DOCK5: variants seen among roughly 807,000 people sequenced by gnomAD.
DOCK5 encodes the protein dedicator of cytokinesis protein 5.
Under a neutral mutation model 251.8 loss-of-function variants are expected in DOCK5, and 142 were observed. That is an observed-to-expected ratio of 0.56 (90% CI 0.49 to 0.65). The LOEUF is 0.65. Ranked by LOEUF, DOCK5 falls within the 30% of genes least tolerant of loss-of-function variation. DOCK5 has a pLI of 0.00. For synonymous variants in DOCK5, 842 were observed against 835.5 expected (o/e 1.01, Z -0.13); for missense variants, 2,111 against 2,312.3 (o/e 0.91, Z 1.79).
chr8:25,291,873 A>AG, intron 5 of DOCK5, 151 bp from the exon 6 acceptor site: 1 of 168,694 alleles, frequency 5.9e-6, no homozygotes, highest in Non-Finnish European at 7.3e-6. Flanking sequence ...ACTCCATCAC[A>AG]AAAAAAAAAA....
chr8:25,403,513 G>A, intron 47 of DOCK5, 45 bp from the exon 48 acceptor site: 1 of 1,601,734 alleles, frequency 6.2e-7, no homozygotes, highest in Non-Finnish European at 8.5e-7. Context: ...GTTCATAGGG[G>A]CTGGATTCCA....
chr8:25,261,627 A>G (rs933762038), intron 2 of DOCK5, among the ~76,000 whole-genome samples: 5 of 152,244 alleles, frequency 3.3e-5, no homozygotes, highest in Non-Finnish European at 5.9e-5. Flanking sequence ...AAAATTTACA[A>G]GCAACAAAAG....
rs374980651 is a variant in DOCK5, at chr8:25,392,789, C to T, written c.4441-7C>T. On this transcript the variant is annotated splice_region_variant and splice_polypyrimidine_tract_variant and intron_variant, in intron 43 of 51. Coordinates refer to ENST00000276440, the MANE Select transcript of DOCK5 (RefSeq NM_024940.8). ...CCAACATTTCATGTTTTCCTTCTTGCCACCAGACGATGTGGATTGAACGGA... is the reference window on the plus strand; with the variant it reads ...CCAACATTTCATGTTTTCCTTCTTGTCACCAGACGATGTGGATTGAACGGA... 20 of 1,610,502 alleles carry T rather than the reference C, an allele frequency of 1.2e-5. No individual in the cohort carries two copies. The African/African-American group carries it at 2.1e-4, about 17-fold the overall frequency.
intron 7 of DOCK5, among the ~76,000 whole-genome samples, chr8:25,297,980 C>G (rs1453206530): frequency 2.7e-5 from 4 of 150,346 alleles, no homozygotes; most frequent in African/African-American, 9.8e-5. Context: ...TCACTTGAGA[C>G]TGGGAATTTA....
At chr8:25,317,543 T>C (rs1312806709) in intron 14 of DOCK5, among the ~76,000 whole-genome samples, 1 of 152,194 alleles carries the variant, frequency 6.6e-6, no homozygotes, top group Non-Finnish European at 1.5e-5. Context: ...AAAGGAGATG[T>C]GCTCATCAGA....
intron 26 of DOCK5, among the ~76,000 whole-genome samples, chr8:25,349,839 A>G (rs989832368): frequency 6.6e-6 from 1 of 152,186 alleles, no homozygotes; most frequent in African/African-American, 2.4e-5. Context: ...GTGATGGGTA[A>G]ACAAAAATCT....
At chr8:25,360,884 G>T (rs796806966) in intron 28 of DOCK5, among the ~76,000 whole-genome samples, 1 of 152,108 alleles carries the variant, frequency 6.6e-6, no homozygotes, top group Admixed American at 6.5e-5. Context: ...AAAAAGGGGC[G>T]TACCTCCTGT....
intron 1 of DOCK5, among the ~76,000 whole-genome samples, chr8:25,224,862 A>G (rs1318471117): frequency 6.6e-6 from 1 of 152,228 alleles, no homozygotes; most frequent in Non-Finnish European, 1.5e-5. Context: ...GACTGATGTG[A>G]AGAAAGTCAT....
At position 25,278,595 on chromosome 8, in the gene DOCK5, A is replaced by G; in HGVS notation, c.251A>G (p.Glu84Gly). The change falls in exon 5 of 52, where the codon GAG becomes GGG. Residue 84 changes from glutamate (E) to glycine (G), a missense_variant. Coordinates refer to ENST00000276440, the MANE Select transcript of DOCK5 (RefSeq NM_024940.8). ...LGQHETVIPGELPLVQELTST... is the reference protein window; with the variant it reads ...LGQHETVIPGGLPLVQELTST... ...CAGCATGAAACCGTGATTCCTGGCGAGCTCCCCCTGGTGCAGGAGCTCACG... is the reference window on the plus strand; with the variant it reads ...CAGCATGAAACCGTGATTCCTGGCGGGCTCCCCCTGGTGCAGGAGCTCACG... The G allele has an allele frequency of 6.2e-7, 1 of 1,613,910 alleles. No homozygotes were observed. The highest frequency in any genetic ancestry group is 8.5e-7 in the Non-Finnish European group (1 of 1,179,860).
chr8:25,227,016 T>C (rs1273903977), intron 1 of DOCK5, among the ~76,000 whole-genome samples: 2 of 152,272 alleles, frequency 1.3e-5, no homozygotes, highest in Non-Finnish European at 2.9e-5. Context: ...GTTTCCTTTT[T>C]CTGAACCTTC....
chr8:25,278,174 C>T (rs1804097295), intron 4 of DOCK5, among the ~76,000 whole-genome samples: 1 of 152,150 alleles, frequency 6.6e-6, no homozygotes, highest in Non-Finnish European at 1.5e-5. Context: ...CCAGGACACT[C>T]GTGCCACACA....
chr8:25,197,575 C>CTTTTTTTTTT lies in DOCK5; in HGVS notation c.43+12642_43+12651dup, dbSNP rs541455591. On this transcript the variant is annotated intron_variant, in intron 1 of 51. Transcript: ENST00000276440. ...CTCTCTTTAAGGATCGTGTCTTTGT[C>CTTTTTTTTTT]TTTTTTTTTTTTTTTTTTTTTTTTT... 9.6e-4 allele frequency among the ~76,000 whole-genome samples: 104 copies of CTTTTTTTTTT among 108,254 alleles called. 7 individuals are homozygous for CTTTTTTTTTT. The highest frequency in any genetic ancestry group is 2.1e-3 in the African/African-American group (50 of 24,286). 71.0% of individuals were successfully genotyped at this position (108,254 alleles called of 152,430 possible). A position where few individuals can be genotyped will look rare whatever the true frequency, so the allele number is the denominator to read the frequency against.
At position 25,414,922 on chromosome 8, in the gene DOCK5, T is replaced by TTTTTTTTTTTTA. The variant is rs1554514401; in HGVS notation, c.*3624_*3625insTTTTTTTTTTTA. ...CCCTGGGCCTGTCTTTTTTTTTTTT[T>TTTTTTTTTTTTA]AATTTTGAAGCTACCTGAGGTTTAG... is the stretch of plus-strand genomic sequence containing the variant. On this transcript the variant is annotated 3_prime_UTR_variant, in exon 52 of 52. Coordinates refer to ENST00000276440, the MANE Select transcript of DOCK5 (RefSeq NM_024940.8). 6 of 145,666 alleles carry TTTTTTTTTTTTA rather than the reference T, an allele frequency of 4.1e-5. No individual in the cohort carries two copies. The highest frequency in any genetic ancestry group is 6.8e-5 in the Admixed American group (1 of 14,646). The allele number at this position is 145,666 out of a possible 1,614,324, so 9.0% of individuals were successfully genotyped here.
chr8:25,318,454 G>T (rs186309630), intron 14 of DOCK5, among the ~76,000 whole-genome samples: 16 of 146,062 alleles, frequency 1.1e-4, no homozygotes, highest in African/African-American at 3.6e-4. Flanking sequence ...CTGTCTTTCC[G>T]CTCCCTTCCC....
chr8:25,406,487 G>A (rs1801525456), intron 48 of DOCK5, among the ~76,000 whole-genome samples: 1 of 152,084 alleles, frequency 6.6e-6, no homozygotes, highest in Admixed American at 6.5e-5. Context: ...AATCAAATAT[G>A]TAGTGTTTCT....
chr8:25,374,922 C>A, intron 37 of DOCK5: 1 of 1,276,536 alleles, frequency 7.8e-7, no homozygotes, highest in African/African-American at 1.5e-5. Flanking sequence ...AGCAATAAAA[C>A]ACACATTGAT....
intron 1 of DOCK5, among the ~76,000 whole-genome samples, chr8:25,209,047 C>A (rs901800539): frequency 1.3e-5 from 2 of 152,106 alleles, no homozygotes; most frequent in Non-Finnish European, 2.9e-5. Flanking sequence ...AAAATTGGAG[C>A]CATTAGCAGC....
chr8:25,369,663 C>T (rs775526635), intron 34 of DOCK5, 22 bp downstream of exon 34: 43 of 1,583,162 alleles, frequency 2.7e-5, no homozygotes, highest in Non-Finnish European at 3.4e-5. Context: ...AGGAACGAAA[C>T]CTGAAGTCAG....
intron 13 of DOCK5, among the ~76,000 whole-genome samples, chr8:25,316,217 C>T (rs1218077207): frequency 1.3e-5 from 2 of 152,198 alleles, no homozygotes; most frequent in African/African-American, 2.4e-5. Flanking sequence ...TGGTGGCTCA[C>T]ACCTGTGATC....
Sources: allele counts gnomAD v4.1 joint callset (sites outside exome capture counted in the v4.1 genomes callset), GRCh38; gene constraint gnomAD v4.1.1; transcripts MANE v1.5; gene names NCBI Gene and HGNC (gene_info 2026-07-23, HGNC 2026-07-21).